The following KCNC2 variants were observed in gnomAD, a reference collection of about 807,000 sequenced individuals.
KCNC2 encodes the protein potassium voltage-gated channel subfamily C member 2, also known as voltage-gated potassium channel KCNC2.
A neutral mutation model predicts 44.5 loss-of-function variants in KCNC2; 21 were observed. The ratio of observed to expected loss-of-function variants is 0.47; its 90% CI spans 0.33 to 0.68. KCNC2 has a LOEUF of 0.68. Ranked by LOEUF, KCNC2 falls within the 30% of genes least tolerant of loss-of-function variation. The pLI is 0.01. For missense variants in KCNC2, 589 were observed against 826.2 expected (o/e 0.71, Z 3.52); for synonymous variants, 391 against 339.1 (o/e 1.15, Z -1.68).
chr12:75,065,501 C>T (rs952580483), intron 2 of KCNC2, among the ~76,000 whole-genome samples: 3 of 152,004 alleles, frequency 2.0e-5, no homozygotes, highest in Non-Finnish European at 2.9e-5. Context: ...AATAATGGAT[C>T]GTATATACCA....
At chr12:75,075,744 C>T (rs11180358) in intron 2 of KCNC2, among the ~76,000 whole-genome samples, 3,475 of 151,904 alleles carry the variant, frequency 0.023, 132 homozygotes, top group African/African-American at 0.08. Context: ...ATAAAAGAAA[C>T]TATACATCAT....
chr12:75,172,304 A>T (rs1891882503), intron 2 of KCNC2, among the ~76,000 whole-genome samples: 1 of 151,824 alleles, frequency 6.6e-6, no homozygotes, highest in South Asian at 2.1e-4. Flanking sequence ...GCGGGGAAGG[A>T]CACTCACTGG....
intron 2 of KCNC2, among the ~76,000 whole-genome samples, chr12:75,052,734 C>G (rs1881314893): frequency 6.6e-6 from 1 of 152,084 alleles, no homozygotes; most frequent in African/African-American, 2.4e-5. Flanking sequence ...CCCTTTTTAC[C>G]TGGTTGAGTT....
intron 2 of KCNC2, among the ~76,000 whole-genome samples, chr12:75,149,416 G>C (rs1890238761): frequency 6.6e-6 from 1 of 151,654 alleles, no homozygotes; most frequent in African/African-American, 2.4e-5. Context: ...AAAATGTTAT[G>C]TAACCTGATA....
chr12:75,171,791 T>C (rs1891838895), intron 2 of KCNC2, among the ~76,000 whole-genome samples: 2 of 151,834 alleles, frequency 1.3e-5, no homozygotes, highest in African/African-American at 4.8e-5. Flanking sequence ...AAAGAAATAA[T>C]AAATACTTGA....
chr12:75,094,391 T>A (rs1228568775), intron 2 of KCNC2, among the ~76,000 whole-genome samples: 2 of 151,666 alleles, frequency 1.3e-5, no homozygotes, highest in South Asian at 4.1e-4. Context: ...CAGACTGATA[T>A]ATGAAAGGTG....
At chr12:75,098,437 A>T (rs1255624255) in intron 2 of KCNC2, among the ~76,000 whole-genome samples, 1 of 152,128 alleles carries the variant, frequency 6.6e-6, no homozygotes, top group Non-Finnish European at 1.5e-5. Flanking sequence ...TCTCCGTGGA[A>T]TTCTTAAATT....
At chr12:75,133,159 A>G (rs1015365133) in intron 2 of KCNC2, among the ~76,000 whole-genome samples, 5 of 151,998 alleles carry the variant, frequency 3.3e-5, no homozygotes, top group Non-Finnish European at 5.9e-5. Flanking sequence ...TAGGGCAATA[A>G]AGAGAGTTTG....
intron 2 of KCNC2, among the ~76,000 whole-genome samples, chr12:75,098,705 G>C (rs1472912817): frequency 6.6e-6 from 1 of 151,968 alleles, no homozygotes; most frequent in African/African-American, 2.4e-5. Context: ...GCTGCAGTGA[G>C]CTGAGATCAT....
At chr12:75,188,962 C>T (rs887206153) in intron 2 of KCNC2, among the ~76,000 whole-genome samples, 2 of 152,034 alleles carry the variant, frequency 1.3e-5, no homozygotes, top group African/African-American at 4.8e-5. Context: ...AACTACATGG[C>T]AAAATCCAGA....
intron 2 of KCNC2, among the ~76,000 whole-genome samples, chr12:75,170,482 A>G (rs911742630): frequency 1.3e-5 from 2 of 151,762 alleles, no homozygotes; most frequent in African/African-American, 2.4e-5. Context: ...AATTCAAATC[A>G]CTCAATTTAC....
At chr12:75,067,267 GT>G (rs1388961014) in intron 2 of KCNC2, among the ~76,000 whole-genome samples, 2 of 152,124 alleles carry the variant, frequency 1.3e-5, no homozygotes, top group African/African-American at 2.4e-5. Context: ...TAGGTCACGT[GT>G]TTAGAGTTGC....
chr12:75,186,673 A>G (rs1370224065), intron 2 of KCNC2, among the ~76,000 whole-genome samples: 1 of 152,212 alleles, frequency 6.6e-6, no homozygotes, highest in Non-Finnish European at 1.5e-5. Context: ...AATTACAAAG[A>G]CAACAGCATT....
chr12:75,176,966 G>A (rs545355418), intron 2 of KCNC2, among the ~76,000 whole-genome samples: 11 of 150,318 alleles, frequency 7.3e-5, no homozygotes, highest in East Asian at 3.9e-4. Context: ...ATTGCGTCTC[G>A]TTAAAATGTA....
At chr12:75,069,106 A>C (rs989672431) in intron 2 of KCNC2, among the ~76,000 whole-genome samples, 2 of 145,288 alleles carry the variant, frequency 1.4e-5, no homozygotes, top group African/African-American at 5.1e-5. Flanking sequence ...CAGGACTAAA[A>C]AACAGTTTCA....
chr12:75,146,329 T>C (rs1592966192), intron 2 of KCNC2, among the ~76,000 whole-genome samples: 2 of 152,276 alleles, frequency 1.3e-5, no homozygotes, highest in East Asian at 1.9e-4. Flanking sequence ...CATGTAGATA[T>C]ACTCACCAAT....
intron 2 of KCNC2, among the ~76,000 whole-genome samples, chr12:75,081,164 T>C (rs1161619985): frequency 1.3e-5 from 2 of 152,112 alleles, no homozygotes; most frequent in Non-Finnish European, 2.9e-5. Flanking sequence ...GCAATTTTTT[T>C]CCCAATAACC....
intron 2 of KCNC2, among the ~76,000 whole-genome samples, chr12:75,067,887 A>G (rs562415912): frequency 6.6e-6 from 1 of 152,170 alleles, no homozygotes; most frequent in South Asian, 2.1e-4. Context: ...CAAAAAAAAA[A>G]CATACTTTTT....
At position 75,040,797 on chromosome 12, in the gene KCNC2, C is replaced by CT. The variant is rs1879814935; in HGVS notation, c.*2307dup. 3.2e-6 allele frequency: 1 copy of CT among 312,452 alleles called. No individual in the cohort carries two copies. The allele number at this position is 312,452 out of a possible 1,614,324, so 19.4% of individuals were successfully genotyped here. A position where few individuals can be genotyped will look rare whatever the true frequency, so the allele number is the denominator to read the frequency against. On this transcript the variant is annotated 3_prime_UTR_variant, in exon 5 of 5. Coordinates refer to ENST00000549446, the MANE Select transcript of KCNC2 (RefSeq NM_139137.4). The stretch of plus-strand genomic sequence containing the variant: ...AACTATACTACATCAGTATCACTGC[C>CT]TTAAGTAATTCACAGCACAACCTAA...
Sources: gnomAD v4.1 joint callset for allele counts (sites outside exome capture counted in the v4.1 genomes callset) on GRCh38, gnomAD v4.1.1 for gene constraint, MANE v1.5 for transcripts, NCBI Gene and HGNC (gene_info 2026-07-23, HGNC 2026-07-21) for gene names.